SLC4A4: variants seen among roughly 807,000 people sequenced by gnomAD.
SLC4A4 encodes solute carrier family 4 member 4.
SLC4A4 carries 27 observed loss-of-function variants against 111.5 expected under a neutral mutation model. That is an observed-to-expected ratio of 0.24 (90% confidence interval 0.18 to 0.33). The LOEUF (loss-of-function observed/expected upper bound fraction) is 0.33, where lower values mean the gene tolerates loss of function less well. Ranked by LOEUF, SLC4A4 falls within the 10% of genes least tolerant of loss-of-function variation. The pLI, the probability that SLC4A4 is intolerant of heterozygous loss-of-function variation, is 1.00. For synonymous variants in SLC4A4, 443 were observed against 463.4 expected (o/e 0.96, Z 0.57); for missense variants, 909 against 1,315.5 (o/e 0.69, Z 4.78).
chr4:71,356,581 A>T lies in SLC4A4; in HGVS notation c.551-427A>T, dbSNP rs556334122. 2.0e-5 allele frequency among the ~76,000 whole-genome samples: 3 copies of T among 152,336 alleles called. No individual in the cohort carries two copies. In the South Asian group the frequency reaches 6.2e-4, roughly 32 times the overall value. On this transcript the variant is annotated intron_variant, in intron 5 of 25. Transcript: ENST00000264485. The stretch of plus-strand genomic sequence containing the variant: ...TATAACATCACAGAAGAATTTGGGA[A>T]AATAGATTTTAAAAATCAACAATCT...
intron 14 of SLC4A4, among the ~76,000 whole-genome samples, chr4:71,481,326 G>T (rs990640578): frequency 6.6e-6 from 1 of 151,740 alleles, no homozygotes; most frequent in Non-Finnish European, 1.5e-5. Flanking sequence ...ACGTGAGTTT[G>T]TAGCTGTTCC....
At position 71,265,414 on chromosome 4, in the gene SLC4A4, T is replaced by G. The variant is rs77317890; in HGVS notation, c.253+10015T>G. 9.5e-3 allele frequency among the ~76,000 whole-genome samples: 1,445 copies of G among 152,272 alleles called. 24 individuals are homozygous for G. The highest frequency in any genetic ancestry group is 0.074 in the East Asian group (383 of 5,188). On this transcript the variant is annotated intron_variant, in intron 3 of 25. Transcript: ENST00000264485. ...AAAAATGTCATTGATTTCTGTATTT[T>G]GGCCAGTCACAGGGAATAGAGGGGG...
chr4:71,157,233 T>C (rs895186890), intron 2 of SLC4A4, among the ~76,000 whole-genome samples: 1 of 152,152 alleles, frequency 6.6e-6, no homozygotes, highest in Non-Finnish European at 1.5e-5. Context: ...AATAATTATA[T>C]AAATTGTTAG....
At chr4:71,085,022 C>G (rs1335677276) in intron 1 of SLC4A4, among the ~76,000 whole-genome samples, 1 of 152,104 alleles carries the variant, frequency 6.6e-6, no homozygotes, top group South Asian at 2.1e-4. Context: ...GTCCCACCAA[C>G]AGTGTAAAAG....
At chr4:71,270,366 A>C (rs1437200324) in intron 3 of SLC4A4, among the ~76,000 whole-genome samples, 2 of 152,222 alleles carry the variant, frequency 1.3e-5, no homozygotes, top group African/African-American at 4.8e-5. Flanking sequence ...CTGGGATTAC[A>C]GGCATGAGCC....
At chr4:71,111,473 T>C (rs923221755) in intron 2 of SLC4A4, among the ~76,000 whole-genome samples, 26 of 148,622 alleles carry the variant, frequency 1.7e-4, no homozygotes, top group South Asian at 4.4e-4. Context: ...GTGATTCTCC[T>C]GCCTCAGCCT....
chr4:71,204,130 G>A (rs1428396077), intron 1 of SLC4A4, among the ~76,000 whole-genome samples: 3 of 152,170 alleles, frequency 2.0e-5, no homozygotes, highest in Non-Finnish European at 4.4e-5. Context: ...AAATGAAATG[G>A]AAAAAGAAAA....
intron 7 of SLC4A4, among the ~76,000 whole-genome samples, chr4:71,415,557 CT>C (rs1579048639): frequency 6.6e-6 from 1 of 152,108 alleles, no homozygotes; most frequent in East Asian, 1.9e-4. Context: ...GTAGGTTAAA[CT>C]TTAAAAAATT....
intron 3 of SLC4A4, among the ~76,000 whole-genome samples, chr4:71,270,858 A>G (rs1377287): frequency 0.13 from 19,115 of 152,224 alleles, 1,457 homozygotes; most frequent in East Asian, 0.31. Context: ...CCATGGTCTC[A>G]TCTGCACTGT....
At chr4:71,259,346 G>A (rs563715691) in intron 3 of SLC4A4, among the ~76,000 whole-genome samples, 7 of 152,116 alleles carry the variant, frequency 4.6e-5, no homozygotes, top group Admixed American at 3.9e-4. Flanking sequence ...AGGAGGAAGC[G>A]AGCTAGCTTC....
At position 71,301,148 on chromosome 4, in the gene SLC4A4, G is replaced by A. The variant is rs951247448; in HGVS notation, c.254-38222G>A. The A allele has an allele frequency of 1.8e-5, 6 of 334,332 alleles. No homozygotes were observed. The East Asian group carries it at 3.5e-4, about 20-fold the overall frequency. 20.7% of individuals were successfully genotyped at this position (334,332 alleles called of 1,614,324 possible). A position where few individuals can be genotyped will look rare whatever the true frequency, so the allele number is the denominator to read the frequency against. On this transcript the variant is annotated intron_variant, in intron 3 of 25. Transcript: ENST00000264485. ...CCAGCATGGGGGATGGGCACCACAC[G>A]TGGCAGTAGATAGGAGCAGCATCAA... is the stretch of plus-strand genomic sequence containing the variant.
intron 5 of SLC4A4, among the ~76,000 whole-genome samples, chr4:71,352,024 G>A (rs572176209): frequency 2.0e-5 from 3 of 152,310 alleles, no homozygotes; most frequent in Admixed American, 1.3e-4. Flanking sequence ...TACCCAGGGA[G>A]ATCGGAACCC....
At chr4:71,538,605 G>A (rs904590530) in intron 18 of SLC4A4, among the ~76,000 whole-genome samples, 1 of 152,138 alleles carries the variant, frequency 6.6e-6, no homozygotes, top group East Asian at 1.9e-4. Flanking sequence ...TAACTGCTAT[G>A]AAATTGTTTC....
chr4:71,468,144 A>C (rs1727550721), intron 13 of SLC4A4, among the ~76,000 whole-genome samples: 1 of 152,100 alleles, frequency 6.6e-6, no homozygotes, highest in Non-Finnish European at 1.5e-5. Flanking sequence ...GTAGGTAATT[A>C]TTATTATAAA....
chr4:71,236,234 ATTTTTT>A (rs34835011), intron 1 of SLC4A4: 5 of 958,392 alleles, frequency 5.2e-6, no homozygotes, highest in Non-Finnish European at 6.3e-6. Flanking sequence ...CTCTCTTGGT[ATTTTTT>A]TTTTTTTTTT....
chr4:71,382,024 G>A (rs1718188596), intron 6 of SLC4A4, among the ~76,000 whole-genome samples: 1 of 152,164 alleles, frequency 6.6e-6, no homozygotes, highest in Admixed American at 6.5e-5. Flanking sequence ...AAAGGAACTG[G>A]AGAAAAGGCA....
At chr4:71,498,808 C>G (rs1039603061) in intron 16 of SLC4A4, among the ~76,000 whole-genome samples, 3 of 152,124 alleles carry the variant, frequency 2.0e-5, no homozygotes, top group Non-Finnish European at 2.9e-5. Context: ...AGAATTCAAC[C>G]CACAGCCATT....
intron 1 of SLC4A4, among the ~76,000 whole-genome samples, chr4:71,071,092 A>C (rs1578450650): frequency 1.4e-5 from 2 of 147,140 alleles, no homozygotes; most frequent in East Asian, 3.9e-4. Context: ...CCAACATAGC[A>C]AAACCCCATC....
intron 2 of SLC4A4, among the ~76,000 whole-genome samples, chr4:71,110,062 T>C (rs4694373): frequency 0.65 from 98,411 of 151,884 alleles, 35,348 homozygotes; most frequent in Non-Finnish European, 0.79. Flanking sequence ...AAGTTGCAAA[T>C]CTTCAATAGA....
Sources: allele counts gnomAD v4.1 joint callset (sites outside exome capture counted in the v4.1 genomes callset), GRCh38; gene constraint gnomAD v4.1.1; transcripts MANE v1.5; gene names NCBI Gene and HGNC (gene_info 2026-07-23, HGNC 2026-07-21).